The following ZSCAN5A variants were observed in gnomAD, a reference collection of about 807,000 sequenced individuals.
The protein encoded by ZSCAN5A is zinc finger and SCAN domain-containing protein 5A.
In ZSCAN5A, 12 loss-of-function variants were observed where a neutral mutation model predicts 23.7. That is an observed-to-expected ratio of 0.51 (90% CI 0.32 to 0.82). The LOEUF (loss-of-function observed/expected upper bound fraction) is 0.82. Among genes scored for constraint, ZSCAN5A ranks in the 40% least tolerant of loss-of-function variants. The pLI, the probability that ZSCAN5A is intolerant of heterozygous loss-of-function variation, is 0.03. For missense variants in ZSCAN5A, 597 were observed against 617.9 expected, an observed-to-expected ratio of 0.97 and a Z score of 0.36; for synonymous variants, 257 against 239.9, an observed-to-expected ratio of 1.07 and a Z score of -0.66.
intron 1 of ZSCAN5A, among the ~76,000 whole-genome samples, chr19:56,366,410 G>C (rs369410179): frequency 1.3e-4 from 17 of 135,402 alleles, no homozygotes; most frequent in African/African-American, 4.9e-4. Context: ...GTGACACAGC[G>C]AGACTCTGTC....
intron 2 of ZSCAN5A, among the ~76,000 whole-genome samples, chr19:56,358,882 C>T (rs917588140): frequency 2.0e-4 from 31 of 152,004 alleles, no homozygotes; most frequent in African/African-American, 6.0e-4. Flanking sequence ...CTAATGAGAA[C>T]GAAGAGACAA....
Position 56,245,530 on chromosome 19 carries a change from A to G in ZSCAN5A, c.-127-20357T>C, listed in dbSNP as rs558429968. 1.1e-4 allele frequency: 39 copies of G among 364,162 alleles called. No homozygotes were observed. The South Asian group carries it at 2.5e-3, about 24-fold the overall frequency. The allele number at this position is 364,162 out of a possible 1,614,324, so 22.6% of individuals were successfully genotyped here. A position where few individuals can be genotyped will look rare whatever the true frequency, so the allele number is the denominator to read the frequency against. ...GAGAGATTTGGCACAGGACAAGAAC[A>G]GAGACATTCCCCATGGATGTGTTAC... On this transcript the variant is annotated intron_variant, in intron 2 of 5. Transcript: ENST00000683990.
intron 2 of ZSCAN5A, chr19:56,320,971 T>C: frequency 1.4e-6 from 1 of 730,308 alleles, no homozygotes; most frequent in East Asian, 2.5e-5. Context: ...TAGCAGCATT[T>C]AGGGTATCTT....
chr19:56,317,113 G>C (rs1486095719), upstream of ZSCAN5A: 1 of 152,406 alleles, frequency 6.6e-6, no homozygotes, highest in African/African-American at 2.4e-5. Context: ...TGGGATTACA[G>C]GTGTGAGCCA....
intron 2 of ZSCAN5A, chr19:56,298,013 T>C (rs904444263): frequency 2.0e-5 from 3 of 147,820 alleles, no homozygotes; most frequent in Admixed American, 6.9e-5. Context: ...AGGTGGAGGC[T>C]GCAGTGAGCC....
chr19:56,289,270 T>C (rs1403846320), intron 2 of ZSCAN5A, among the ~76,000 whole-genome samples: 1 of 152,204 alleles, frequency 6.6e-6, no homozygotes, highest in East Asian at 1.9e-4. Context: ...TCACTAAGTG[T>C]AAGCTATGTC....
At chr19:56,321,935 A>T in intron 2 of ZSCAN5A, 1 of 781,204 alleles carries the variant, frequency 1.3e-6, no homozygotes, top group South Asian at 1.3e-5. Flanking sequence ...CAACTTCATC[A>T]TGGCCTTCTG....
chr19:56,306,294 C>T (rs2040683314), intron 2 of ZSCAN5A, among the ~76,000 whole-genome samples: 1 of 152,086 alleles, frequency 6.6e-6, no homozygotes, highest in South Asian at 2.1e-4. Flanking sequence ...CTGGCCTCTC[C>T]CGCATCGCCA....
chr19:56,267,967 G>T lies in ZSCAN5A; in HGVS notation c.-127-42794C>A, dbSNP rs531805272. On this transcript the variant is annotated intron_variant, in intron 2 of 5. Coordinates refer to ENST00000683990, the MANE Select transcript of ZSCAN5A (RefSeq NM_001322064.3). ...CAGCCAGGAGGTGGAGGGAGCTGAG[G>T]TTTGATCCCGCACCTCTATGATTTC... Among the ~76,000 whole-genome samples, 4 of 152,266 alleles carry T rather than the reference G, an allele frequency of 2.6e-5. No homozygotes were observed. In the South Asian group the frequency reaches 8.3e-4, roughly 32 times the overall value.
At chr19:56,334,196 C>A (rs957994078) in intron 2 of ZSCAN5A, among the ~76,000 whole-genome samples, 1 of 152,112 alleles carries the variant, frequency 6.6e-6, no homozygotes, top group African/African-American at 2.4e-5. Flanking sequence ...AGATAGGAAA[C>A]CTCCTTGGCT....
chr19:56,222,535 C>A (rs574071620), intron 5 of ZSCAN5A, 56 bp downstream of exon 5: 160 of 1,592,406 alleles, frequency 1.0e-4, no homozygotes, highest in Middle Eastern at 5.1e-4. Flanking sequence ...GGGCCCCCAG[C>A]CCCGCACCCC....
intron 1 of ZSCAN5A, among the ~76,000 whole-genome samples, chr19:56,363,595 C>T (rs1002807440): frequency 6.6e-6 from 1 of 152,164 alleles, no homozygotes; most frequent in African/African-American, 2.4e-5. Flanking sequence ...TGGACAGTGA[C>T]GTCCTGGCTG....
chr19:56,291,330 C>A (rs368112050), intron 2 of ZSCAN5A, among the ~76,000 whole-genome samples: 2 of 152,146 alleles, frequency 1.3e-5, no homozygotes, highest in Non-Finnish European at 1.5e-5. Flanking sequence ...TGAATCCCCA[C>A]GGAAACTGAA....
At chr19:56,322,265 C>A (rs995891133) in intron 2 of ZSCAN5A, 4 of 1,137,254 alleles carry the variant, frequency 3.5e-6, no homozygotes, top group Non-Finnish European at 5.3e-6. Flanking sequence ...TGCAAGAGCA[C>A]CTCCTTCAAC....
chr19:56,302,650 C>T (rs2040414287), intron 2 of ZSCAN5A, among the ~76,000 whole-genome samples: 1 of 128,616 alleles, frequency 7.8e-6, no homozygotes, highest in Admixed American at 8.0e-5. Context: ...CCTTTTCTTC[C>T]CCCCCTCCCT....
chr19:56,320,608 G>C (rs913708189), intron 2 of ZSCAN5A: 35 of 630,766 alleles, frequency 5.5e-5, no homozygotes, highest in Non-Finnish European at 8.7e-5. Context: ...GCGAAATTCT[G>C]TCTCAAAAAT....
At chr19:56,348,610 A>G (rs1368667997) in intron 2 of ZSCAN5A, among the ~76,000 whole-genome samples, 1 of 152,162 alleles carries the variant, frequency 6.6e-6, no homozygotes, top group Non-Finnish European at 1.5e-5. Context: ...GGCAGCTAAC[A>G]TTTACACTAA....
chr19:56,314,483 C>G (rs8107755), intron 1 of ZSCAN5A, 198 bp downstream of exon 1: 71,752 of 152,098 alleles, frequency 0.47, 17,072 homozygotes, highest in Middle Eastern at 0.68. Context: ...TTAAATAAAG[C>G]TGTCCCTCAG....
intron 2 of ZSCAN5A, chr19:56,322,226 T>C: frequency 1.1e-6 from 1 of 949,894 alleles, no homozygotes; most frequent in African/African-American, 1.6e-5. Context: ...CCTTCTGTAA[T>C]AAGCAAACTG....
Sources: gnomAD v4.1 joint callset for allele counts (sites outside exome capture counted in the v4.1 genomes callset) on GRCh38, gnomAD v4.1.1 for gene constraint, MANE v1.5 for transcripts, NCBI Gene and HGNC (gene_info 2026-07-23, HGNC 2026-07-21) for gene names.